The following EGFR variants were observed in gnomAD, a reference collection of about 807,000 sequenced individuals.
The protein encoded by EGFR is epidermal growth factor receptor.
EGFR carries 58 observed loss-of-function variants against 143.0 expected under a neutral mutation model. The ratio of observed to expected loss-of-function variants is 0.41; its 90% CI spans 0.33 to 0.50. EGFR has a LOEUF of 0.50. Ranked by LOEUF, EGFR falls within the 20% of genes least tolerant of loss-of-function variation. The pLI is 0.39. For missense variants in EGFR, 1,307 were observed against 1,579.0 expected (o/e 0.83, Z 2.92); for synonymous variants, 613 against 594.4 (o/e 1.03, Z -0.45).
At chr7:55,022,120 T>C (rs925298521) in intron 1 of EGFR, among the ~76,000 whole-genome samples, 3 of 152,178 alleles carry the variant, frequency 2.0e-5, no homozygotes, top group Admixed American at 6.5e-5. Flanking sequence ...TCCTCAGCCC[T>C]CTGTTGGGTC....
chr7:55,177,431 A>G (rs910548149), intron 19 of EGFR, among the ~76,000 whole-genome samples: 24 of 152,234 alleles, frequency 1.6e-4, no homozygotes, highest in African/African-American at 5.8e-4. Context: ...CTCCATACTC[A>G]CGTTCCCCTG....
At chr7:55,081,838 A>T (rs947333491) in intron 1 of EGFR, among the ~76,000 whole-genome samples, 26 of 152,260 alleles carry the variant, frequency 1.7e-4, no homozygotes, top group African/African-American at 6.3e-4. Flanking sequence ...GCAGCACAGG[A>T]AAGTTTCCCA....
intron 13 of EGFR, among the ~76,000 whole-genome samples, chr7:55,163,069 G>A (rs1021232246): frequency 1.3e-5 from 2 of 152,178 alleles, no homozygotes; most frequent in Admixed American, 1.3e-4. Context: ...TGGGATTATA[G>A]GCATAAGCCA....
intron 1 of EGFR, among the ~76,000 whole-genome samples, chr7:55,047,776 A>C (rs999685407): frequency 2.0e-5 from 3 of 152,186 alleles, no homozygotes; most frequent in Non-Finnish European, 2.9e-5. Flanking sequence ...AAACAAAAAA[A>C]CACTGGGGCC....
chr7:55,157,203 G>C (rs1785468175), intron 10 of EGFR, among the ~76,000 whole-genome samples: 1 of 152,220 alleles, frequency 6.6e-6, no homozygotes, highest in South Asian at 2.1e-4. Flanking sequence ...GGCAAGCCTC[G>C]GGTCTATGAC....
intron 26 of EGFR, 83 bp downstream of exon 26, chr7:55,201,865 A>C: frequency 6.7e-7 from 1 of 1,502,228 alleles, no homozygotes; most frequent in Non-Finnish European, 9.3e-7. Flanking sequence ...TAACCTAAAT[A>C]ATTTTAACCC....
At chr7:55,143,629 G>A in intron 3 of EGFR, 141 bp downstream of exon 3, 1 of 918,268 alleles carries the variant, frequency 1.1e-6, no homozygotes. Flanking sequence ...TGCCGGCTGT[G>A]TGTAAGATAC....
At chr7:55,205,234 T>A (rs2128975043) in intron 27 of EGFR, 22 bp from the exon 28 acceptor site, 7 of 1,613,742 alleles carry the variant, frequency 4.3e-6, no homozygotes, top group Non-Finnish European at 5.9e-6. Context: ...TTACTTCACC[T>A]CTGATTTCTT....
chr7:55,024,464 A>G (rs942811631), intron 1 of EGFR, among the ~76,000 whole-genome samples: 2 of 152,178 alleles, frequency 1.3e-5, no homozygotes, highest in Non-Finnish European at 2.9e-5. Flanking sequence ...TTCTGAATAT[A>G]TCTGGAACTT....
intron 1 of EGFR, among the ~76,000 whole-genome samples, chr7:55,083,070 C>A (rs779605624): frequency 6.6e-6 from 1 of 152,350 alleles, no homozygotes; most frequent in South Asian, 2.1e-4. Flanking sequence ...TCAGGGCCCA[C>A]TCTATACCAG....
At chr7:55,166,425 C>T in intron 15 of EGFR, 1 of 504,054 alleles carries the variant, frequency 2.0e-6, no homozygotes, top group Admixed American at 2.6e-5. Flanking sequence ...CTCTGTGCCT[C>T]ACTTTCTTTT....
chr7:55,198,077 A>G (rs1033022341), intron 22 of EGFR, among the ~76,000 whole-genome samples: 1 of 152,154 alleles, frequency 6.6e-6, no homozygotes, highest in East Asian at 1.9e-4. Flanking sequence ...TAGGAATGGT[A>G]CCAGCTTTTT....
At chr7:55,079,717 A>G (rs1790356127) in intron 1 of EGFR, among the ~76,000 whole-genome samples, 1 of 151,998 alleles carries the variant, frequency 6.6e-6, no homozygotes, top group Non-Finnish European at 1.5e-5. Flanking sequence ...CTGGCTTCAT[A>G]GCTCTCATCA....
rs2128953792 is a variant in EGFR at position 55,174,047 on chromosome 7, A to G, written c.2184+4A>G. The G allele has an allele frequency of 6.2e-7, 1 of 1,614,198 alleles. No individual in the cohort carries two copies. Among genetic ancestry groups the G allele is most frequent in the Admixed American group, 1.7e-5 (1 of 60,034 alleles). On this transcript the variant is annotated splice_donor_region_variant and intron_variant, in intron 18 of 27. Transcript: ENST00000275493. ...TGCGTTCGGCACGGTGTATAAGGTA[A>G]GGTCCCTGGCACAGGCCTCTGGGCT...
At chr7:55,187,469 G>A (rs1050078473) in intron 20 of EGFR, among the ~76,000 whole-genome samples, 6 of 152,188 alleles carry the variant, frequency 3.9e-5, no homozygotes, top group Admixed American at 3.9e-4. Flanking sequence ...CTCAGAGCAT[G>A]ACTCTCAGGA....
At chr7:55,158,289 A>G (rs1785527223) in intron 11 of EGFR, among the ~76,000 whole-genome samples, 1 of 152,204 alleles carries the variant, frequency 6.6e-6, no homozygotes, top group South Asian at 2.1e-4. Flanking sequence ...AGCATCTTTA[A>G]TATGGTAATG....
intron 1 of EGFR, among the ~76,000 whole-genome samples, chr7:55,132,966 G>A (rs1248008721): frequency 6.6e-6 from 1 of 152,210 alleles, no homozygotes; most frequent in Non-Finnish European, 1.5e-5. Flanking sequence ...TCTGGCCACG[G>A]AGCTTCTCAG....
chr7:55,019,112 G>A lies in EGFR; in HGVS notation c.-166G>A. 2.6e-6 allele frequency: 1 copy of A among 384,664 alleles called. No individual in the cohort carries two copies. Among genetic ancestry groups the A allele is most frequent in the Non-Finnish European group, 4.4e-6 (1 of 228,222 alleles). The allele number at this position is 384,664 out of a possible 1,614,324, so 23.8% of individuals were successfully genotyped here. A position where few individuals can be genotyped will look rare whatever the true frequency, so the allele number is the denominator to read the frequency against. On this transcript the variant is annotated 5_prime_UTR_variant, in exon 1 of 28. Coordinates refer to ENST00000275493, the MANE Select transcript of EGFR (RefSeq NM_005228.5). ...ACGCGGCCGAGGCGGCCGGAGTCCC[G>A]AGCTAGCCCCGGCGGCCGCCGCCGC...
intron 16 of EGFR, among the ~76,000 whole-genome samples, chr7:55,172,483 A>G (rs1311250853): frequency 6.6e-6 from 1 of 151,576 alleles, no homozygotes; most frequent in Non-Finnish European, 1.5e-5. Flanking sequence ...TATTTCACAC[A>G]ATCCATGTGC....
Sources: allele counts gnomAD v4.1 joint callset (sites outside exome capture counted in the v4.1 genomes callset), GRCh38; gene constraint gnomAD v4.1.1; transcripts MANE v1.5; gene names NCBI Gene and HGNC (gene_info 2026-07-23, HGNC 2026-07-21).